The following MAGI1 variants were observed in gnomAD, a reference collection of about 807,000 sequenced individuals.
MAGI1 encodes the protein membrane associated guanylate kinase, WW and PDZ domain containing 1.
In MAGI1, 58 loss-of-function variants were observed where a neutral mutation model predicts 139.9. The observed-to-expected ratio is 0.41, with a 90% CI of 0.34 to 0.52. The LOEUF is 0.52. Among genes scored for constraint, MAGI1 ranks in the 20% least tolerant of loss-of-function variants. MAGI1 has a pLI of 0.12. For missense variants in MAGI1, 1,874 were observed against 1,901.6 expected, an observed-to-expected ratio of 0.99 and a Z score of 0.27; for synonymous variants, 812 against 737.9, an observed-to-expected ratio of 1.10 and a Z score of -1.63.
At chr3:65,574,219 G>C (rs1348794610) in intron 2 of MAGI1, among the ~76,000 whole-genome samples, 1 of 149,092 alleles carries the variant, frequency 6.7e-6, no homozygotes, top group Admixed American at 6.7e-5. Context: ...GGATACATGT[G>C]CAGGTTTTTA....
intron 10 of MAGI1, among the ~76,000 whole-genome samples, chr3:65,433,748 C>T (rs1249238166): frequency 6.6e-6 from 1 of 152,046 alleles, no homozygotes; most frequent in Non-Finnish European, 1.5e-5. Flanking sequence ...GCCCAAAACT[C>T]TGCACCTGAA....
chr3:66,015,763 A>C (rs904199165), intron 1 of MAGI1, among the ~76,000 whole-genome samples: 12 of 152,210 alleles, frequency 7.9e-5, no homozygotes, highest in African/African-American at 2.4e-4. Flanking sequence ...TGACCAAACC[A>C]GGAAACTACC....
intron 1 of MAGI1, among the ~76,000 whole-genome samples, chr3:65,806,994 T>C (rs1174964722): frequency 1.3e-5 from 2 of 152,248 alleles, no homozygotes; most frequent in Non-Finnish European, 2.9e-5. Context: ...AATTTCCTCC[T>C]ATTCAGTACT....
intron 1 of MAGI1, among the ~76,000 whole-genome samples, chr3:65,910,854 A>ATTTTTTTTT (rs1560003976): frequency 1.2e-3 from 14 of 11,890 alleles, no homozygotes; most frequent in South Asian, 4.6e-3. Flanking sequence ...GACATGGTGG[A>ATTTTTTTTT]CTTTTTTTTT....
intron 2 of MAGI1, among the ~76,000 whole-genome samples, chr3:65,509,112 G>T (rs146698305): frequency 2.1e-4 from 32 of 152,298 alleles, no homozygotes; most frequent in Admixed American, 1.0e-3. Flanking sequence ...TTTTTGCCCA[G>T]AGGGAAGCAA....
intron 1 of MAGI1, among the ~76,000 whole-genome samples, chr3:65,751,424 C>T (rs1439412085): frequency 6.6e-5 from 10 of 152,188 alleles, no homozygotes; most frequent in Non-Finnish European, 1.5e-4. Context: ...CCTTTGTCTA[C>T]TTTTGATGTC....
At chr3:65,859,999 G>A (rs1248123201) in intron 1 of MAGI1, among the ~76,000 whole-genome samples, 2 of 151,560 alleles carry the variant, frequency 1.3e-5, no homozygotes, top group African/African-American at 4.8e-5. Flanking sequence ...GGGTTCAAGC[G>A]ATTCTCCTGC....
chr3:65,401,551 C>G, intron 12 of MAGI1, 81 bp from the exon 13 acceptor site: 1 of 1,566,406 alleles, frequency 6.4e-7, no homozygotes, highest in Admixed American at 1.9e-5. Flanking sequence ...AGAACAATCC[C>G]CAGGTGTTCC....
intron 1 of MAGI1, among the ~76,000 whole-genome samples, chr3:65,852,502 ATTTT>A (rs1340104660): frequency 7.3e-6 from 1 of 137,472 alleles, no homozygotes; most frequent in Non-Finnish European, 1.6e-5. Flanking sequence ...CTTGACACCA[ATTTT>A]TTTTTTTTTT....
intron 1 of MAGI1, chr3:65,687,698 C>T (rs1366068599): frequency 1.9e-6 from 1 of 520,546 alleles, no homozygotes; most frequent in Non-Finnish European, 3.9e-6. Context: ...AGGCTGGAAG[C>T]TGTTGCTGCC....
intron 1 of MAGI1, among the ~76,000 whole-genome samples, chr3:65,937,324 AGAT>A (rs1454318774): frequency 6.6e-6 from 1 of 152,116 alleles, no homozygotes; most frequent in Non-Finnish European, 1.5e-5. Context: ...CTTTTGCCTC[AGAT>A]TTCCAACGCT....
At chr3:65,623,444 G>T (rs941160148) in intron 1 of MAGI1, among the ~76,000 whole-genome samples, 1 of 152,136 alleles carries the variant, frequency 6.6e-6, no homozygotes, top group Non-Finnish European at 1.5e-5. Context: ...ATCAACAGAA[G>T]GCTTGTAGAT....
chr3:65,508,887 C>T (rs745917064), intron 2 of MAGI1, among the ~76,000 whole-genome samples: 1 of 152,230 alleles, frequency 6.6e-6, no homozygotes, highest in Admixed American at 6.5e-5. Flanking sequence ...TCCCTGTCAA[C>T]AGCAACTGCT....
intron 1 of MAGI1, among the ~76,000 whole-genome samples, chr3:65,650,023 G>A (rs1163975970): frequency 6.6e-6 from 1 of 152,114 alleles, no homozygotes; most frequent in Non-Finnish European, 1.5e-5. Flanking sequence ...ATCATGTTTT[G>A]GAAACTTAAT....
intron 1 of MAGI1, among the ~76,000 whole-genome samples, chr3:65,651,268 G>C (rs1276308423): frequency 6.6e-6 from 1 of 152,126 alleles, no homozygotes; most frequent in Non-Finnish European, 1.5e-5. Flanking sequence ...CCTGGTTTTA[G>C]CCAATTCAAC....
rs2082718601 is a variant in MAGI1 at position 65,605,940 on chromosome 3, A to G, written c.430+16032T>C. ...CTTTGTGCAGGGTAGTTACATGTAA[A>G]ACATCCCTTCCCTCCTCCTTTGCAT... On this transcript the variant is annotated intron_variant, in intron 2 of 22. Transcript: ENST00000402939. 3.3e-5 allele frequency among the ~76,000 whole-genome samples: 5 copies of G among 152,146 alleles called. No individual in the cohort carries two copies. The South Asian group carries it at 1.0e-3, about 32-fold the overall frequency.
At chr3:65,620,450 C>T (rs929083712) in intron 2 of MAGI1, among the ~76,000 whole-genome samples, 4 of 152,142 alleles carry the variant, frequency 2.6e-5, no homozygotes, top group African/African-American at 4.8e-5. Flanking sequence ...GCAGAAGAAG[C>T]AGGGCAATGG....
chr3:65,467,984 A>G (rs902492778), intron 5 of MAGI1, among the ~76,000 whole-genome samples: 8 of 152,238 alleles, frequency 5.3e-5, no homozygotes, highest in African/African-American at 1.7e-4. Context: ...ATCACTAATT[A>G]CTACTAGCCC....
In MAGI1 at chr3:65,509,229, T is replaced by C. The variant is rs140047890; in HGVS notation, c.431-15598A>G. On this transcript the variant is annotated intron_variant, in intron 2 of 22. Coordinates refer to ENST00000402939, the MANE Select transcript of MAGI1 (RefSeq NM_001033057.2). Reference sequence around the variant, plus strand: ...AAACACAGGTATTTAAATGAAGCAGTAGGGAAATCCAGAGAGCTCCTAATC... The same window carrying C: ...AAACACAGGTATTTAAATGAAGCAGCAGGGAAATCCAGAGAGCTCCTAATC... Among the ~76,000 whole-genome samples the C allele has an allele frequency of 5.1e-3, 775 of 152,226 alleles. 6 individuals are homozygous for C. The highest frequency in any genetic ancestry group is 0.017 in the African/African-American group (721 of 41,540).
Sources: allele counts gnomAD v4.1 joint callset (sites outside exome capture counted in the v4.1 genomes callset), GRCh38; gene constraint gnomAD v4.1.1; transcripts MANE v1.5; gene names NCBI Gene and HGNC (gene_info 2026-07-23, HGNC 2026-07-21).